Variants in CEP63 observed in about 807,000 individuals in gnomAD.
The protein encoded by CEP63 is centrosomal protein 63.
CEP63 carries 84 observed loss-of-function variants against 89.1 expected under a neutral mutation model. The observed-to-expected ratio is 0.94, with a 90% confidence interval of 0.79 to 1.13. The LOEUF is 1.13. CEP63 is among the 50% of genes most tolerant of loss of function. The probability of loss-of-function intolerance (pLI) is 0.00; values close to 1 mark genes in which losing one functional copy is unlikely to be tolerated. For missense variants in CEP63, 838 were observed against 813.3 expected (o/e 1.03, Z -0.37); for synonymous variants, 267 against 272.5 (o/e 0.98, Z 0.20).
chr3:134,562,273 AC>A lies in CEP63; in HGVS notation c.*739del. 2 of 958,558 alleles carry A rather than the reference AC, an allele frequency of 2.1e-6. No homozygotes were observed. Among genetic ancestry groups the A allele is most frequent in the Non-Finnish European group, 2.5e-6 (2 of 805,126 alleles). 59.4% of individuals were successfully genotyped at this position (958,558 alleles called of 1,614,324 possible). ...TGTTGATGTGCCGCAGGCATTTGAA[AC>A]GATGGGAGTTGATAAGATCCACCAG... On this transcript the variant is annotated 3_prime_UTR_variant, in exon 15 of 15. Transcript: ENST00000675561.
chr3:134,749,626 C>T, the CEP63 span, among the ~76,000 whole-genome samples: 5 of 134,186 alleles, frequency 3.7e-5, no homozygotes, highest in East Asian at 9.3e-4. Flanking sequence ...GAGAGCTGTA[C>T]AGAGAGACTC....
At chr3:134,493,119 C>T (rs1035852712) in intron 1 of CEP63, among the ~76,000 whole-genome samples, 2 of 152,104 alleles carry the variant, frequency 1.3e-5, no homozygotes, top group African/African-American at 2.4e-5. Flanking sequence ...TTTTGAATAA[C>T]TGTGATAGCA....
At chr3:134,495,023 G>A (rs1939294503) in intron 1 of CEP63, among the ~76,000 whole-genome samples, 1 of 152,132 alleles carries the variant, frequency 6.6e-6, no homozygotes, top group Non-Finnish European at 1.5e-5. Flanking sequence ...CCGACATTAG[G>A]AATTAGGCAA....
the CEP63 span, among the ~76,000 whole-genome samples, chr3:134,759,763 A>G: frequency 1.3e-5 from 2 of 152,226 alleles, no homozygotes; most frequent in African/African-American, 2.4e-5. Flanking sequence ...TGATGACAAT[A>G]ACTGTAATCT....
chr3:134,768,011 C>A, the CEP63 span, among the ~76,000 whole-genome samples: 23 of 152,226 alleles, frequency 1.5e-4, no homozygotes, highest in South Asian at 6.2e-4. Flanking sequence ...AAGCTGAGGA[C>A]GTAGAGTGTC....
chr3:134,616,781 G>A, the CEP63 span, among the ~76,000 whole-genome samples: 2 of 152,226 alleles, frequency 1.3e-5, no homozygotes, highest in African/African-American at 2.4e-5. Context: ...GGCAGAGTCT[G>A]TAGGAAAACT....
At chr3:134,643,195 G>A in the CEP63 span, 1 of 839,816 alleles carries the variant, frequency 1.2e-6, no homozygotes, top group East Asian at 2.5e-5. Flanking sequence ...AACACCCATG[G>A]GAGCAGAGAG....
chr3:134,736,302 A>T, the CEP63 span, among the ~76,000 whole-genome samples: 1 of 152,192 alleles, frequency 6.6e-6, no homozygotes, highest in African/African-American at 2.4e-5. Flanking sequence ...AATGGAAAAG[A>T]ATGCCCCATT....
the CEP63 span, among the ~76,000 whole-genome samples, chr3:134,739,874 C>T: frequency 2.0e-5 from 3 of 152,256 alleles, no homozygotes; most frequent in South Asian, 2.1e-4. Flanking sequence ...AAGTGTTTTT[C>T]AACAACGTGT....
chr3:134,495,491 A>G (rs754249126), intron 2 of CEP63, 127 bp downstream of exon 2: 23 of 668,936 alleles, frequency 3.4e-5, no homozygotes, highest in East Asian at 3.1e-4. Flanking sequence ...TAGTATACCT[A>G]TCAGCTCAAG....
intron 10 of CEP63, among the ~76,000 whole-genome samples, chr3:134,584,473 T>G (rs1958435170): frequency 1.3e-5 from 2 of 152,214 alleles, no homozygotes; most frequent in African/African-American, 4.8e-5. Context: ...ATGTGATGGA[T>G]TACATTTGTT....
At chr3:134,555,362 A>G (rs1021173467) in intron 12 of CEP63, among the ~76,000 whole-genome samples, 24 of 152,170 alleles carry the variant, frequency 1.6e-4, no homozygotes, top group Non-Finnish European at 2.6e-4. Flanking sequence ...ATGATTGTAT[A>G]TCTAGAAAAC....
chr3:134,596,430 T>C, the CEP63 span, among the ~76,000 whole-genome samples: 1 of 152,082 alleles, frequency 6.6e-6, no homozygotes, highest in Non-Finnish European at 1.5e-5. Flanking sequence ...ATCCTCAGCC[T>C]CCTCCAGGGT....
downstream of CEP63, among the ~76,000 whole-genome samples, chr3:134,567,173 A>G (rs1395585331): frequency 6.7e-6 from 1 of 150,244 alleles, no homozygotes; most frequent in Non-Finnish European, 1.5e-5. Flanking sequence ...AAAATCACAT[A>G]TTGTATGACT....
At chr3:134,653,417 G>A in the CEP63 span, among the ~76,000 whole-genome samples, 1 of 152,208 alleles carries the variant, frequency 6.6e-6, no homozygotes, top group African/African-American at 2.4e-5. Context: ...CCTGGATCCT[G>A]ATGGTGCCTG....
rs1319047479 is a variant in CEP63 at position 134,564,725 on chromosome 3, CAGG to C, written c.*3193_*3195del. ...TACCTATGTGCATTGCTGTTACATT[CAGG>C]AGATTTCTGAGTTTTAGACAGTCCC... is the stretch of plus-strand genomic sequence containing the variant. On this transcript the variant is annotated 3_prime_UTR_variant, in exon 15 of 15. Transcript: ENST00000675561. The C allele has an allele frequency of 3.0e-6, 3 of 985,370 alleles. No homozygotes were observed. Among genetic ancestry groups the C allele is most frequent in the South Asian group, 4.7e-5 (1 of 21,286 alleles). 61.0% of individuals were successfully genotyped at this position (985,370 alleles called of 1,614,324 possible). A position where few individuals can be genotyped will look rare whatever the true frequency, so the allele number is the denominator to read the frequency against.
chr3:134,520,261 A>T (rs944094324), intron 3 of CEP63, among the ~76,000 whole-genome samples: 1 of 152,214 alleles, frequency 6.6e-6, no homozygotes, highest in East Asian at 1.9e-4. Context: ...ACAAAAATTT[A>T]TTGATTCTTT....
the CEP63 span, chr3:134,651,188 T>G: frequency 6.6e-6 from 9 of 1,361,710 alleles, no homozygotes; most frequent in Non-Finnish European, 8.6e-6. Context: ...CTAAGTCACC[T>G]TTGAAAGGAA....
chr3:134,532,745 A>C, intron 4 of CEP63, 33 bp from the exon 5 acceptor site: 1 of 1,568,510 alleles, frequency 6.4e-7, no homozygotes, highest in Non-Finnish European at 8.7e-7. Flanking sequence ...ACAAATTCTT[A>C]AACTTTAAAT....
Sources: allele counts gnomAD v4.1 joint callset (sites outside exome capture counted in the v4.1 genomes callset), GRCh38; gene constraint gnomAD v4.1.1; transcripts MANE v1.5; gene names NCBI Gene and HGNC (gene_info 2026-07-23, HGNC 2026-07-21).